The following RPGR variants were observed in gnomAD, a reference collection of about 807,000 sequenced individuals.
The protein encoded by RPGR is retinitis pigmentosa GTPase regulator, also known as X-linked retinitis pigmentosa GTPase regulator.
RPGR carries 10 observed loss-of-function variants against 56.3 expected under a neutral mutation model. The ratio of observed to expected loss-of-function variants is 0.18; its 90% confidence interval spans 0.11 to 0.30. The LOEUF is 0.30. Among genes scored for constraint, RPGR ranks in the 10% least tolerant of loss-of-function variants. The pLI is 1.00. For synonymous variants in RPGR, 197 were observed against 212.9 expected, an observed-to-expected ratio of 0.93 and a Z score of 0.65; for missense variants, 538 against 590.9, an observed-to-expected ratio of 0.91 and a Z score of 0.93.
intron 4 of RPGR, among the ~76,000 whole-genome samples, chrX:38,319,214 G>A (rs949311678): frequency 4.5e-5 from 5 of 112,279 alleles, no homozygotes; most frequent in African/African-American, 1.6e-4. Flanking sequence ...ACTAGCAACT[G>A]AAATGAACAG....
At chrX:38,319,087 GT>G (rs971601272) in intron 4 of RPGR, 100 bp from the exon 5 acceptor site, 101 of 883,952 alleles carry the variant, frequency 1.1e-4, no homozygotes, top group Non-Finnish European at 1.5e-4. Context: ...AGTGAAGAAA[GT>G]TGAAAGCTAT....
In RPGR at chrX:38,299,030, G is replaced by A; in HGVS notation, c.1171C>T (p.Leu391=). 8.3e-6 allele frequency: 10 copies of A among 1,211,622 alleles called. No individual in the cohort carries two copies. Among genetic ancestry groups the A allele is most frequent in the Non-Finnish European group, 1.1e-5 (10 of 895,436 alleles). Residue 391 remains leucine, a synonymous_variant, in exon 10 of 19, where the codon CTG becomes TTG. Transcript: ENST00000642395. ...CCTGAGGTTAAACTGCTATACGGCA[G>A]AAAAGTCGCCACAGATAAGCAAGTA...
At position 38,297,305 on chromosome X, in the gene RPGR, G is replaced by C. The variant is rs1360745560; in HGVS notation, c.1393C>G (p.Leu465Val). The C allele has an allele frequency of 1.7e-6, 2 of 1,210,586 alleles. No homozygotes were observed. Among genetic ancestry groups the C allele is most frequent in the Non-Finnish European group, 2.2e-6 (2 of 895,068 alleles). Residue 465 changes from leucine to valine, a missense_variant, in exon 11 of 19, where the codon CTC becomes GTC. Physicochemically the swap from Leu to Val is conservative, Grantham distance 32. Coordinates refer to ENST00000642395, the MANE Select transcript of RPGR (RefSeq NM_000328.3). ...TTACCTGGTTCCTCTGGCTGCATGA[G>C]GTCCTGTTCAGATAAGACACTCTCT...
In RPGR at chrX:38,306,342, G is replaced by T. The variant is rs1379812733; in HGVS notation, c.779-1552C>A. ...GATTAAAAGAGAAAACATTCAGGCA[G>T]ATTTGAAAACATAATATGACATACT... On this transcript the variant is annotated intron_variant, in intron 7 of 18. Coordinates refer to ENST00000642395, the MANE Select transcript of RPGR (RefSeq NM_000328.3). Among the ~76,000 whole-genome samples, 3 of 112,144 alleles carry T rather than the reference G, an allele frequency of 2.7e-5. No homozygotes were observed. In the East Asian group the frequency reaches 8.4e-4, roughly 31 times the overall value.
chrX:38,321,396 G>A (rs1323466043), intron 3 of RPGR, among the ~76,000 whole-genome samples: 1 of 111,474 alleles, frequency 9.0e-6, no homozygotes, highest in Admixed American at 9.5e-5. Flanking sequence ...GGGTGTGGTG[G>A]CTCCCCAGCA....
At chrX:38,323,739 C>T (rs1020698181) in intron 1 of RPGR, among the ~76,000 whole-genome samples, 2 of 111,941 alleles carry the variant, frequency 1.8e-5, no homozygotes, top group African/African-American at 6.5e-5. Context: ...CTAAATTGAA[C>T]ATGTATTACT....
At chrX:38,301,982 T>C (rs2067509766) in intron 8 of RPGR, among the ~76,000 whole-genome samples, 1 of 111,727 alleles carries the variant, frequency 9.0e-6, no homozygotes, top group Non-Finnish European at 1.9e-5. Flanking sequence ...AAATCTCTAC[T>C]ACTGGCTTAG....
At chrX:38,322,423 T>C (rs1035691897) in intron 3 of RPGR, among the ~76,000 whole-genome samples, 1 of 112,406 alleles carries the variant, frequency 8.9e-6, no homozygotes, top group African/African-American at 3.2e-5. Context: ...CTAGTCACTA[T>C]ATAAAGCAGG....
At chrX:38,318,793 G>C in intron 5 of RPGR, 36 bp downstream of exon 5, 3 of 1,203,521 alleles carry the variant, frequency 2.5e-6, no homozygotes, top group Non-Finnish European at 3.4e-6. Flanking sequence ...TACAGGAAAG[G>C]AATGTGTCCC....
chrX:38,284,377 T>C, intron 15 of RPGR, 31 bp downstream of exon 15: 1 of 633,278 alleles, frequency 1.6e-6, no homozygotes. Flanking sequence ...TACTAGACAG[T>C]TTATCTTTTC....
In RPGR at chrX:38,310,582, C is replaced by T. The variant is rs189973690; in HGVS notation, c.778+33G>A. On this transcript the variant is annotated intron_variant, in intron 7 of 18. Coordinates refer to ENST00000642395, the MANE Select transcript of RPGR (RefSeq NM_000328.3). The stretch of plus-strand genomic sequence containing the variant: ...AAAAATTTCATTAGCCACCACAGAA[C>T]GCAGGGAACAGAACAGTGGACTCCA... The T allele has an allele frequency of 4.6e-4, 559 of 1,202,644 alleles. 1 individual carries two copies. Among genetic ancestry groups the T allele is most frequent in the Non-Finnish European group, 5.6e-4 (499 of 889,215 alleles).
At chrX:38,302,201 C>T (rs1189443012) in intron 8 of RPGR, among the ~76,000 whole-genome samples, 3 of 111,572 alleles carry the variant, frequency 2.7e-5, no homozygotes, top group African/African-American at 9.8e-5. Context: ...TTCTTCAAGC[C>T]GCTCCATCTC....
Position 38,310,708 on chromosome X carries a change from G to C in RPGR, c.685C>G (p.Leu229Val). 1 of 1,210,246 alleles carries C rather than the reference G, an allele frequency of 8.3e-7. No homozygotes were observed. Among genetic ancestry groups the C allele is most frequent in the Non-Finnish European group, 1.1e-6 (1 of 894,733 alleles). ...AGCTGGGGTGTTCTGTGATTGCCCA[G>C]GAGCTGATTGGGAAGACCTAACTTC... Residue 229 changes from leucine to valine, a missense_variant, in exon 7 of 19, where the codon CTG (leucine) becomes GTG (valine). Physicochemically the swap from Leu to Val is conservative, Grantham distance 32 (BLOSUM62 1). Transcript: ENST00000642395.
chrX:38,320,161 TA>T (rs2067904962), intron 4 of RPGR, among the ~76,000 whole-genome samples: 1 of 99,890 alleles, frequency 1.0e-5, no homozygotes, highest in Non-Finnish European at 2.0e-5. Flanking sequence ...GAAATAATCT[TA>T]AAAGGCTAAG....
chrX:38,279,051 C>T, intron 15 of RPGR: 1 of 246,759 alleles, frequency 4.1e-6, no homozygotes, highest in Non-Finnish European at 7.6e-6. Flanking sequence ...TTTGAGAAAG[C>T]TATTAGAAAA....
intron 8 of RPGR, among the ~76,000 whole-genome samples, chrX:38,303,062 T>C (rs771465880): frequency 9.0e-6 from 1 of 111,631 alleles, no homozygotes; most frequent in Non-Finnish European, 1.9e-5. Context: ...TTTATGTCCT[T>C]CTTTTATATC....
chrX:38,318,075 G>C (rs1288234780), intron 5 of RPGR, among the ~76,000 whole-genome samples: 1 of 111,378 alleles, frequency 9.0e-6, no homozygotes, highest in East Asian at 2.8e-4. Flanking sequence ...GTCAGAAAAA[G>C]TTAATCTAGG....
In RPGR at chrX:38,322,134, A is replaced by C. The variant is rs182667281; in HGVS notation, c.247+719T>G. Among the ~76,000 whole-genome samples the C allele has an allele frequency of 6.5e-4, 73 of 112,200 alleles. No individual in the cohort carries two copies. The East Asian group carries it at 0.012, about 18-fold the overall frequency. On this transcript the variant is annotated intron_variant, in intron 3 of 18. Transcript: ENST00000642395. Reference sequence around the variant, plus strand: ...TCCCATAAACAGCATGAATATGATAAGCTACACTGAAATTTTGAGCTGAAA... The same window carrying C: ...TCCCATAAACAGCATGAATATGATACGCTACACTGAAATTTTGAGCTGAAA...
Position 38,301,550 on chromosome X carries a change from T to C in RPGR, c.935-179A>G, listed in dbSNP as rs780561448. On this transcript the variant is annotated intron_variant, in intron 8 of 18. Coordinates refer to ENST00000642395, the MANE Select transcript of RPGR (RefSeq NM_000328.3). Reference sequence around the variant, plus strand: ...GGTCTCTGTGGTCCTGCATGTAACATCAGGCAATAAATATTCTGAGAATAA... The same window carrying C: ...GGTCTCTGTGGTCCTGCATGTAACACCAGGCAATAAATATTCTGAGAATAA... Among the ~76,000 whole-genome samples, 4 of 111,182 alleles carry C rather than the reference T, an allele frequency of 3.6e-5. No individual in the cohort carries two copies. The Admixed American group carries it at 3.8e-4, about 11-fold the overall frequency.
Sources: gnomAD v4.1 joint callset for allele counts (sites outside exome capture counted in the v4.1 genomes callset) on GRCh38, gnomAD v4.1.1 for gene constraint, MANE v1.5 for transcripts, NCBI Gene and HGNC (gene_info 2026-07-23, HGNC 2026-07-21) for gene names.